TRRAP: variants seen among roughly 807,000 people sequenced by gnomAD.
TRRAP encodes transformation/transcription domain-associated protein.
Under a neutral mutation model 438.8 loss-of-function variants are expected in TRRAP, and 41 were observed. The observed-to-expected ratio is 0.09, with a 90% CI of 0.07 to 0.12. TRRAP has a LOEUF of 0.12. Ranked by LOEUF, TRRAP falls within the 10% of genes least tolerant of loss-of-function variation. The pLI is 1.00. For synonymous variants in TRRAP, 1,994 were observed against 1,962.9 expected (o/e 1.02, Z -0.42); for missense variants, 3,122 against 5,055.1 (o/e 0.62, Z 11.60).
At chr7:98,942,431 C>T (rs985836446) in intron 30 of TRRAP, among the ~76,000 whole-genome samples, 1 of 152,254 alleles carries the variant, frequency 6.6e-6, no homozygotes, top group Non-Finnish European at 1.5e-5. Flanking sequence ...CTAGTCCCAT[C>T]CTCAGCAGGA....
chr7:98,923,970 A>T (rs1397356512), intron 21 of TRRAP, among the ~76,000 whole-genome samples: 1 of 152,222 alleles, frequency 6.6e-6, no homozygotes, highest in Non-Finnish European at 1.5e-5. Context: ...GCATGTAGCT[A>T]TGTAGGCTTT....
chr7:98,916,608 G>A (rs1403268753), intron 19 of TRRAP, among the ~76,000 whole-genome samples: 1 of 152,174 alleles, frequency 6.6e-6, no homozygotes, highest in Admixed American at 6.5e-5. Context: ...TCTGCCATGG[G>A]AGTGGACCAT....
rs367723814 is a variant in TRRAP, at chr7:98,927,374, C to T, written c.3175+8C>T. ...CAGTCGCCCAGCAGTGTGGTGAGCA[C>T]GGGGGCACGGTGGGGCACGGGATTG... On this transcript the variant is annotated splice_region_variant and intron_variant, in intron 23 of 72. Coordinates refer to ENST00000456197, the MANE Select transcript of TRRAP (RefSeq NM_001375524.1). 5.3e-5 allele frequency: 85 copies of T among 1,613,718 alleles called. No individual in the cohort carries two copies. The highest frequency in any genetic ancestry group is 3.6e-4 in the African/African-American group (27 of 74,928).
In TRRAP at chr7:98,950,902, T is replaced by G; in HGVS notation, c.5361T>G (p.Ala1787=). Residue 1787 remains alanine, a synonymous_variant, in exon 39 of 73, where the codon GCT becomes GCG. Coordinates refer to ENST00000456197, the MANE Select transcript of TRRAP (RefSeq NM_001375524.1). ...AKVLQHILNP[A]FLYSFEKGEG... is the part of the protein sequence containing the mutation. Reference sequence around the variant, plus strand: ...TTCTGCAGCATATCTTGAATCCTGCTTTCTTGTACAGCTTTGAGAAGGGGG... The same window carrying G: ...TTCTGCAGCATATCTTGAATCCTGCGTTCTTGTACAGCTTTGAGAAGGGGG... The G allele has an allele frequency of 6.3e-7, 1 of 1,580,066 alleles. No individual in the cohort carries two copies. The highest frequency in any genetic ancestry group is 8.6e-7 in the Non-Finnish European group (1 of 1,168,968).
intron 56 of TRRAP, among the ~76,000 whole-genome samples, chr7:98,977,577 A>T (rs1407601586): frequency 6.6e-6 from 1 of 152,236 alleles, no homozygotes; most frequent in Non-Finnish European, 1.5e-5. Context: ...CACAGTCCTG[A>T]TAAGTCCTTT....
At chr7:98,974,717 AAC>A (rs1424819137) in intron 53 of TRRAP, among the ~76,000 whole-genome samples, 1 of 152,242 alleles carries the variant, frequency 6.6e-6, no homozygotes, top group Admixed American at 6.5e-5. Flanking sequence ...AATTCTTTAA[AAC>A]ATACACAGAG....
At position 98,925,130 on chromosome 7, in the gene TRRAP, G is replaced by T. The variant is rs1789989428; in HGVS notation, c.2842G>T (p.Asp948Tyr). Residue 948 changes from aspartate (D) to tyrosine (Y), a missense_variant, in exon 22 of 73, where the codon GAC becomes TAC. Around this residue, in one of 24 missense-constraint regions of TRRAP, gnomAD observed 133 missense variants for 188.6 expected, o/e 0.71. Coordinates refer to ENST00000456197, the MANE Select transcript of TRRAP (RefSeq NM_001375524.1). ...PMEKAIETAL[D>Y]CLKSANTEPY... is the part of the protein sequence containing the mutation. ...GTTGTAGGCCATTGAAACTGCTCTG[G>T]ACTGCCTGAAAAGCGCCAACACTGA... 6.2e-7 allele frequency: 1 copy of T among 1,613,904 alleles called. No homozygotes were observed. The highest frequency in any genetic ancestry group is 8.5e-7 in the Non-Finnish European group (1 of 1,179,960).
At chr7:98,957,056 C>T (rs1180631625) in intron 43 of TRRAP, among the ~76,000 whole-genome samples, 3 of 152,160 alleles carry the variant, frequency 2.0e-5, no homozygotes, top group African/African-American at 7.2e-5. Context: ...CCTCACCATC[C>T]CCCATCTTAT....
At chr7:98,880,221 G>GC (rs1554402808) in intron 1 of TRRAP, among the ~76,000 whole-genome samples, 1 of 150,444 alleles carries the variant, frequency 6.6e-6, no homozygotes, top group Non-Finnish European at 1.5e-5. Flanking sequence ...GACCAAGGTT[G>GC]CCCCAATCCA....
At chr7:98,999,334 C>A in intron 67 of TRRAP, 1 of 1,402,316 alleles carries the variant, frequency 7.1e-7, no homozygotes, top group South Asian at 1.2e-5. Flanking sequence ...TCCAAGATTT[C>A]CTGGATCAGA....
intron 58 of TRRAP, among the ~76,000 whole-genome samples, chr7:98,980,125 T>A (rs1439387335): frequency 6.6e-6 from 1 of 152,182 alleles, no homozygotes; most frequent in Non-Finnish European, 1.5e-5. Flanking sequence ...TCTTCTTCAG[T>A]GGGTTATCGA....
chr7:98,983,190 T>A, intron 59 of TRRAP, 74 bp from the exon 60 acceptor site: 1 of 1,372,048 alleles, frequency 7.3e-7, no homozygotes, highest in Non-Finnish European at 9.9e-7. Context: ...ATGTCCCCAA[T>A]GGACTCTGGT....
At chr7:98,931,845 G>T (rs919389761) in intron 26 of TRRAP, among the ~76,000 whole-genome samples, 180 bp downstream of exon 26, 1 of 152,118 alleles carries the variant, frequency 6.6e-6, no homozygotes, top group Non-Finnish European at 1.5e-5. Context: ...ATGTAAAATG[G>T]TGTGATATTT....
intron 2 of TRRAP, 165 bp from the exon 3 acceptor site, chr7:98,881,810 G>A (rs1795450783): frequency 1.6e-6 from 1 of 624,820 alleles, no homozygotes; most frequent in African/African-American, 1.8e-5. Context: ...AGTACAAATG[G>A]GTGCGACTGG....
intron 1 of TRRAP, among the ~76,000 whole-genome samples, chr7:98,879,272 C>T (rs1584257021): frequency 6.6e-6 from 1 of 152,354 alleles, no homozygotes. Flanking sequence ...GCGTTTCCCC[C>T]CGGCCAGGGC....
chr7:98,921,396 A>G (rs73393201), intron 20 of TRRAP, among the ~76,000 whole-genome samples: 2,439 of 152,012 alleles, frequency 0.016, 50 homozygotes, highest in African/African-American at 0.041. Context: ...TTTTTTTGAC[A>G]TGGAGTCTCG....
chr7:98,925,952 G>A (rs142101275), intron 22 of TRRAP, among the ~76,000 whole-genome samples: 9 of 152,272 alleles, frequency 5.9e-5, no homozygotes, highest in African/African-American at 1.9e-4. Flanking sequence ...ACCCACACAG[G>A]CTTCAGGTGT....
chr7:98,895,363 C>T (rs1032235148), intron 6 of TRRAP, among the ~76,000 whole-genome samples: 4 of 152,064 alleles, frequency 2.6e-5, no homozygotes, highest in Admixed American at 6.6e-5. Context: ...GGAGAATTAC[C>T]GAGGCAAAGG....
rs1791608602 is a variant in TRRAP, at chr7:98,956,342, CCTTT to C, written c.6096+39_6096+42del. 6.2e-7 allele frequency: 1 copy of C among 1,613,318 alleles called. No individual in the cohort carries two copies. The highest frequency in any genetic ancestry group is 1.3e-5 in the African/African-American group (1 of 74,916). On this transcript the variant is annotated intron_variant, in intron 42 of 72. Coordinates refer to ENST00000456197, the MANE Select transcript of TRRAP (RefSeq NM_001375524.1). The surrounding 1 kb of genome is among the most constrained non-coding windows in gnomAD (Gnocchi z 4.5). Reference sequence around the variant, plus strand: ...GCCTCAGGGGTGCCCCGATCGTCTTCCTTTGACTTCTCCCTAGAAATCAGTCAGT... The same window carrying C: ...GCCTCAGGGGTGCCCCGATCGTCTTCGACTTCTCCCTAGAAATCAGTCAGT...
Sources: allele counts gnomAD v4.1 joint callset (sites outside exome capture counted in the v4.1 genomes callset), GRCh38; gene constraint gnomAD v4.1.1; regional missense constraint gnomAD v4.1.1; non-coding constraint Gnocchi (gnomAD v3.1); transcripts MANE v1.5; gene names NCBI Gene and HGNC (gene_info 2026-07-23, HGNC 2026-07-21).